Variants in NBPF15 observed in about 807,000 individuals in gnomAD.
NBPF15 encodes NBPF member 15.
Under a neutral mutation model 62.2 loss-of-function variants are expected in NBPF15, and 74 were observed. That is an observed-to-expected ratio of 1.19 (90% confidence interval 0.99 to 1.44). The LOEUF (loss-of-function observed/expected upper bound fraction) is 1.44, where lower values mean the gene tolerates loss of function less well. Ranked by LOEUF, NBPF15 falls within the 40% of genes most tolerant of loss-of-function variation. NBPF15 has a pLI of 0.00. For synonymous variants in NBPF15, 244 were observed against 209.7 expected (o/e 1.16, Z -1.41); for missense variants, 790 against 550.0 (o/e 1.44, Z -4.36).
rs1666743331 is a variant in NBPF15 at position 144,422,993 on chromosome 1, C to G, written c.*20G>C. ...GGTCCTGCCTGCAGGAATGACATCTCTCGGCTTAGTAAGAGCTGCTTATTG... is the reference window on the plus strand; with the variant it reads ...GGTCCTGCCTGCAGGAATGACATCTGTCGGCTTAGTAAGAGCTGCTTATTG... On this transcript the variant is annotated 3_prime_UTR_variant, in exon 22 of 22. Coordinates refer to ENST00000581897, the MANE Select transcript of NBPF15 (RefSeq NM_001385408.1). The G allele has an allele frequency of 6.2e-7, 1 of 1,611,660 alleles. No homozygotes were observed.
chr1:144,434,865 G>A lies in NBPF15; in HGVS notation c.772+246C>T, dbSNP rs587623623. On this transcript the variant is annotated intron_variant, in intron 12 of 21. Coordinates refer to ENST00000581897, the MANE Select transcript of NBPF15 (RefSeq NM_001385408.1). The stretch of plus-strand genomic sequence containing the variant: ...CTAGGAGGCCTGACAGATATGGCCT[G>A]TGCACCTCCTGCACTCAGGTGACTA... Among the ~76,000 whole-genome samples the A allele has an allele frequency of 3.1e-3, 466 of 152,132 alleles. 6 individuals carry two copies. In the South Asian group the frequency reaches 0.04, roughly 13 times the overall value.
At chr1:144,455,635 T>A (rs1276405519) in intron 4 of NBPF15, among the ~76,000 whole-genome samples, 1 of 152,038 alleles carries the variant, frequency 6.6e-6, no homozygotes, top group Non-Finnish European at 1.5e-5. Context: ...GGTGGGGGCC[T>A]CAGCCCCTGG....
At chr1:144,447,182 C>T (rs1297835015) in intron 6 of NBPF15, among the ~76,000 whole-genome samples, 5 of 152,294 alleles carry the variant, frequency 3.3e-5, no homozygotes, top group East Asian at 3.8e-4. Context: ...CAGCATCTCC[C>T]GCCATGACCT....
At chr1:144,436,508 G>A (rs1678486375) in intron 10 of NBPF15, among the ~76,000 whole-genome samples, 1 of 151,902 alleles carries the variant, frequency 6.6e-6, no homozygotes, top group Admixed American at 6.6e-5. Flanking sequence ...AACTCAGGAA[G>A]GACAAGTCAT....
chr1:144,460,111 C>T (rs1465007203), intron 2 of NBPF15, among the ~76,000 whole-genome samples: 6 of 99,706 alleles, frequency 6.0e-5, no homozygotes, highest in South Asian at 4.7e-4. Flanking sequence ...GCCATGATCA[C>T]GGCTCACTGC....
chr1:144,444,963 C>A (rs1472539312), intron 6 of NBPF15, among the ~76,000 whole-genome samples: 11 of 151,726 alleles, frequency 7.2e-5, no homozygotes, highest in Admixed American at 2.6e-4. Context: ...TCAAAGGAGC[C>A]ATACCATTTT....
At chr1:144,428,047 C>A in intron 15 of NBPF15, 57 bp from the exon 16 acceptor site, 2 of 785,982 alleles carry the variant, frequency 2.5e-6, no homozygotes. Flanking sequence ...ACCACACAGT[C>A]CCAGCTAGAT....
Position 144,439,860 on chromosome 1 carries a change from G to T in NBPF15, c.144C>A (p.Ala48=), listed in dbSNP as rs1179530056. The change falls in exon 8 of 22, where the codon GCC becomes GCA. Residue 48 remains alanine (A), a synonymous_variant. Coordinates refer to ENST00000581897, the MANE Select transcript of NBPF15 (RefSeq NM_001385408.1). ...TCTTCTGTCGGTTGGCCAGGAAGCC[G>T]GCCAGTTGAGTTAGAAAACATTTCT... is the stretch of plus-strand genomic sequence containing the variant. ...LKEKCFLTQL[A]GFLANRQKKY... 1 of 1,609,262 alleles carries T rather than the reference G, an allele frequency of 6.2e-7. No individual in the cohort carries two copies. The highest frequency in any genetic ancestry group is 8.5e-7 in the Non-Finnish European group (1 of 1,178,342).
In NBPF15 at chr1:144,440,000, C is replaced by G. The variant is rs1173488707; in HGVS notation, c.4G>C (p.Val2Leu). The G allele has an allele frequency of 2.5e-6, 4 of 1,607,636 alleles. No individual in the cohort carries two copies. The highest frequency in any genetic ancestry group is 3.4e-6 in the Non-Finnish European group (4 of 1,175,942). ...CTGGACAAAGGGCCGGCTGATACCACCATGCTGACGTTTGTGGCAGAAGAG... is the reference window on the plus strand; with the variant it reads ...CTGGACAAAGGGCCGGCTGATACCAGCATGCTGACGTTTGTGGCAGAAGAG... M[V>L]VSAGPLSSEK... The change falls in exon 8 of 22, where the codon GTG (valine) becomes CTG (leucine). Residue 2 changes from valine to leucine, a missense_variant. Val to Leu is a conservative substitution (Grantham distance 32). Transcript: ENST00000581897.
chr1:144,424,481 C>T (rs1417107102), intron 20 of NBPF15, among the ~76,000 whole-genome samples: 3 of 152,032 alleles, frequency 2.0e-5, no homozygotes, highest in African/African-American at 7.2e-5. Flanking sequence ...CAGGCATGGC[C>T]TGAGACTAGG....
intron 6 of NBPF15, among the ~76,000 whole-genome samples, chr1:144,444,214 G>A (rs1462849739): frequency 6.7e-6 from 1 of 150,098 alleles, no homozygotes; most frequent in African/African-American, 2.5e-5. Context: ...ACTAACACAG[G>A]CCTCCGTAAC....
At chr1:144,451,462 G>A (rs1194007669) in intron 4 of NBPF15, among the ~76,000 whole-genome samples, 1 of 151,374 alleles carries the variant, frequency 6.6e-6, no homozygotes, top group African/African-American at 2.4e-5. Flanking sequence ...TGTCGGGCTG[G>A]GGGACAGTCA....
At chr1:144,457,091 A>T (rs1184899568) in intron 3 of NBPF15, among the ~76,000 whole-genome samples, 1 of 151,998 alleles carries the variant, frequency 6.6e-6, no homozygotes, top group Non-Finnish European at 1.5e-5. Flanking sequence ...AGGCAGGAGG[A>T]TTCCTTGAGC....
chr1:144,437,825 G>T, intron 9 of NBPF15, 120 bp downstream of exon 9: 1 of 1,316,896 alleles, frequency 7.6e-7, no homozygotes. Context: ...TAGCGAGCCT[G>T]CCATGGCAAT....
At chr1:144,443,281 T>C (rs1448609669) in intron 6 of NBPF15, among the ~76,000 whole-genome samples, 1 of 152,038 alleles carries the variant, frequency 6.6e-6, no homozygotes, top group South Asian at 2.1e-4. Context: ...TGTGGGCATA[T>C]TGTTTGAATC....
At position 144,450,847 on chromosome 1, in the gene NBPF15, G is replaced by A. The variant is rs1197116477; in HGVS notation, c.-408C>T. The A allele has an allele frequency of 1.7e-5, 15 of 905,956 alleles. No individual in the cohort carries two copies. The African/African-American group carries it at 2.6e-4, about 15-fold the overall frequency. 56.1% of individuals were successfully genotyped at this position (905,956 alleles called of 1,614,324 possible). A position where few individuals can be genotyped will look rare whatever the true frequency, so the allele number is the denominator to read the frequency against. On this transcript the variant is annotated 5_prime_UTR_variant, in exon 5 of 22. Transcript: ENST00000581897. ...GTATTTCAGGCACTTGAGTAGTGTG[G>A]CTTTACTGTTATCAATCACATTTCT... is the stretch of plus-strand genomic sequence containing the variant.
chr1:144,433,346 G>T (rs1363242229), intron 13 of NBPF15, among the ~76,000 whole-genome samples: 8 of 152,156 alleles, frequency 5.3e-5, no homozygotes, highest in Middle Eastern at 3.4e-3. Flanking sequence ...ACAAGAGAAA[G>T]CAGAAAAGAT....
intron 6 of NBPF15, among the ~76,000 whole-genome samples, chr1:144,441,465 A>G (rs1682881911): frequency 6.7e-6 from 1 of 150,152 alleles, no homozygotes; most frequent in African/African-American, 2.5e-5. Flanking sequence ...TCATTGATAT[A>G]CTGGGCTGTT....
At chr1:144,457,306 C>A (rs1208268318) in intron 3 of NBPF15, among the ~76,000 whole-genome samples, 1 of 151,914 alleles carries the variant, frequency 6.6e-6, no homozygotes, top group Non-Finnish European at 1.5e-5. Flanking sequence ...TCTTTGGAAT[C>A]TCATCTACTG....
Sources: gnomAD v4.1 joint callset for allele counts (sites outside exome capture counted in the v4.1 genomes callset) on GRCh38, gnomAD v4.1.1 for gene constraint, MANE v1.5 for transcripts, NCBI Gene and HGNC (gene_info 2026-07-23, HGNC 2026-07-21) for gene names.